Variants in TSPAN9 observed in about 807,000 individuals in gnomAD.
The protein encoded by TSPAN9 is tetraspanin 9.
TSPAN9 carries 16 observed loss-of-function variants against 31.0 expected under a neutral mutation model. The ratio of observed to expected loss-of-function variants is 0.52; its 90% CI spans 0.35 to 0.78. The LOEUF (loss-of-function observed/expected upper bound fraction) is 0.78, where lower values mean the gene tolerates loss of function less well. TSPAN9 is among the 30% of genes least tolerant of loss of function. The pLI is 0.01. For missense variants in TSPAN9, 272 were observed against 312.5 expected (o/e 0.87, Z 0.98); for synonymous variants, 145 against 121.6 (o/e 1.19, Z -1.27).
chr12:3,270,677 T>C (rs1862660604), intron 3 of TSPAN9, among the ~76,000 whole-genome samples: 1 of 152,260 alleles, frequency 6.6e-6, no homozygotes. Flanking sequence ...GGGCCAGGAC[T>C]GCTGGTGACT....
intron 3 of TSPAN9, among the ~76,000 whole-genome samples, chr12:3,205,130 G>A (rs148780843): frequency 9.2e-5 from 14 of 152,234 alleles, no homozygotes; most frequent in African/African-American, 3.4e-4. Context: ...GTGGGGGCGG[G>A]GCTGGGGCTG....
rs1298303366 is a variant in TSPAN9 at position 3,095,510 on chromosome 12, C to A, written c.-18+11791C>A. Among the ~76,000 whole-genome samples the A allele has an allele frequency of 8.0e-5, 10 of 124,508 alleles. No individual in the cohort carries two copies. The East Asian group carries it at 2.1e-3, about 26-fold the overall frequency. The allele number at this position is 124,508 out of a possible 152,430, so 81.7% of individuals were successfully genotyped here. ...TGGCCGGGCGGGGGACTGACCCCCC[C>A]CCACCTCCCTCCCGGACGGGGCGGC... On this transcript the variant is annotated intron_variant, in intron 2 of 8. Transcript: ENST00000011898.
At chr12:3,257,090 T>C (rs1273436056) in intron 3 of TSPAN9, among the ~76,000 whole-genome samples, 1 of 152,176 alleles carries the variant, frequency 6.6e-6, no homozygotes, top group Non-Finnish European at 1.5e-5. Context: ...CCCCACCAAG[T>C]TTCCAGCGAC....
intron 2 of TSPAN9, among the ~76,000 whole-genome samples, chr12:3,183,809 C>T (rs2098359647): frequency 6.6e-6 from 1 of 152,206 alleles, no homozygotes; most frequent in African/African-American, 2.4e-5. Flanking sequence ...TTCCAGTCTA[C>T]TCGGTGATTG....
At chr12:3,098,903 T>A (rs2098310500) in intron 2 of TSPAN9, among the ~76,000 whole-genome samples, 1 of 151,978 alleles carries the variant, frequency 6.6e-6, no homozygotes, top group African/African-American at 2.4e-5. Context: ...TGGGTGTGCA[T>A]CACCACGCCC....
intron 2 of TSPAN9, among the ~76,000 whole-genome samples, chr12:3,169,772 G>T (rs1308880400): frequency 6.6e-6 from 1 of 152,094 alleles, no homozygotes; most frequent in African/African-American, 2.4e-5. Flanking sequence ...CAAGGAGGCA[G>T]TTTTGAATGA....
At chr12:3,161,850 C>T (rs180933769) in intron 2 of TSPAN9, among the ~76,000 whole-genome samples, 19 of 152,212 alleles carry the variant, frequency 1.2e-4, no homozygotes, top group African/African-American at 4.6e-4. Context: ...GGGTCTCACT[C>T]TGTCACCCAG....
At chr12:3,153,892 G>C (rs530399799) in intron 2 of TSPAN9, among the ~76,000 whole-genome samples, 75 of 150,754 alleles carry the variant, frequency 5.0e-4, no homozygotes, top group Non-Finnish European at 8.7e-4. Context: ...ATCTCTGTCT[G>C]TTTCTCTGTC....
At chr12:3,113,709 G>C (rs2098320475) in intron 2 of TSPAN9, among the ~76,000 whole-genome samples, 1 of 152,156 alleles carries the variant, frequency 6.6e-6, no homozygotes, top group Non-Finnish European at 1.5e-5. Context: ...TCAGGGGTGT[G>C]CCAGTTCGAG....
At position 3,136,909 on chromosome 12, in the gene TSPAN9, T is replaced by C. The variant is rs150500271; in HGVS notation, c.-18+53190T>C. Among the ~76,000 whole-genome samples, 17 of 152,296 alleles carry C rather than the reference T, an allele frequency of 1.1e-4. No homozygotes were observed. The East Asian group carries it at 2.9e-3, about 26-fold the overall frequency. ...GAGAAACAGCCCCCACTGTGCACTGTGGAGCCGCCAGGTGGTCCCAGCTGC... is the reference window on the plus strand; with the variant it reads ...GAGAAACAGCCCCCACTGTGCACTGCGGAGCCGCCAGGTGGTCCCAGCTGC... On this transcript the variant is annotated intron_variant, in intron 2 of 8. Transcript: ENST00000011898.
At chr12:3,151,184 A>G (rs908902052) in intron 2 of TSPAN9, 9 of 152,426 alleles carry the variant, frequency 5.9e-5, no homozygotes, top group African/African-American at 2.2e-4. Flanking sequence ...ACGTGTGTGC[A>G]TGTGTGTGAG....
At chr12:3,243,212 G>A (rs931351596) in intron 3 of TSPAN9, among the ~76,000 whole-genome samples, 1 of 152,144 alleles carries the variant, frequency 6.6e-6, no homozygotes, top group African/African-American at 2.4e-5. Flanking sequence ...ACTGTCCGTG[G>A]TTGAGTTCCC....
intron 2 of TSPAN9, among the ~76,000 whole-genome samples, chr12:3,087,141 T>C (rs887015356): frequency 6.6e-5 from 10 of 152,286 alleles, no homozygotes; most frequent in Middle Eastern, 3.4e-3. Flanking sequence ...TACATGTGTG[T>C]TGGGTGTGCT....
intron 3 of TSPAN9, among the ~76,000 whole-genome samples, chr12:3,244,274 T>G (rs2153977443): frequency 6.6e-6 from 1 of 152,308 alleles, no homozygotes; most frequent in East Asian, 1.9e-4. Context: ...TAAGCGGGTC[T>G]TGGCTGGCCT....
chr12:3,110,280 G>T (rs530073322), intron 2 of TSPAN9, among the ~76,000 whole-genome samples: 3 of 152,138 alleles, frequency 2.0e-5, no homozygotes, highest in Non-Finnish European at 4.4e-5. Flanking sequence ...TTCCGTTTTA[G>T]ATCTCCCTGG....
At chr12:3,190,687 C>T (rs2098363916) in intron 2 of TSPAN9, among the ~76,000 whole-genome samples, 1 of 152,344 alleles carries the variant, frequency 6.6e-6, no homozygotes, top group Admixed American at 6.5e-5. Flanking sequence ...CCCCTCTTAT[C>T]TGGTAAACCT....
At chr12:3,177,400 G>A (rs1292812725) in intron 2 of TSPAN9, among the ~76,000 whole-genome samples, 2 of 150,482 alleles carry the variant, frequency 1.3e-5, no homozygotes, top group African/African-American at 4.9e-5. Flanking sequence ...GCCTCCCCAA[G>A]TGCTGGGATT....
At position 3,107,798 on chromosome 12, in the gene TSPAN9, C is replaced by T. The variant is rs779068931; in HGVS notation, c.-18+24079C>T. ...AACAAATCCAGATACCTGGTGATAT[C>T]GCTAGTGCTACCTGGGCATGAATTC... On this transcript the variant is annotated intron_variant, in intron 2 of 8. Transcript: ENST00000011898. The surrounding 1 kb of genome is among the most constrained non-coding windows in gnomAD (Gnocchi z 4.1). Among the ~76,000 whole-genome samples, 2 of 152,198 alleles carry T rather than the reference C, an allele frequency of 1.3e-5. No homozygotes were observed. Among genetic ancestry groups the T allele is most frequent in the Non-Finnish European group, 2.9e-5 (2 of 68,042 alleles).
chr12:3,108,487 GAA>G (rs1437778914), intron 2 of TSPAN9, among the ~76,000 whole-genome samples: 6 of 152,126 alleles, frequency 3.9e-5, no homozygotes, highest in Non-Finnish European at 8.8e-5. Context: ...GTGTCCCGTG[GAA>G]AAGTCTCTCT....
Sources: allele counts gnomAD v4.1 joint callset (sites outside exome capture counted in the v4.1 genomes callset), GRCh38; gene constraint gnomAD v4.1.1; non-coding constraint Gnocchi (gnomAD v3.1); transcripts MANE v1.5; gene names NCBI Gene and HGNC (gene_info 2026-07-23, HGNC 2026-07-21).